Variants in QKI observed in about 807,000 individuals in gnomAD.
QKI encodes the protein QKI, KH domain containing RNA binding.
In QKI, 10 loss-of-function variants were observed where a neutral mutation model predicts 39.0. That is an observed-to-expected ratio of 0.26 (90% CI 0.16 to 0.43). QKI has a LOEUF of 0.43. Among genes scored for constraint, QKI ranks in the 20% least tolerant of loss-of-function variants. The probability of loss-of-function intolerance (pLI) is 1.00; values close to 1 mark genes in which losing one functional copy is unlikely to be tolerated. For missense variants in QKI, 218 were observed against 428.0 expected (o/e 0.51, Z 4.33); for synonymous variants, 204 against 155.4 (o/e 1.31, Z -2.33).
intron 1 of QKI, among the ~76,000 whole-genome samples, chr6:163,424,244 G>T (rs1025512015): frequency 2.0e-5 from 3 of 152,070 alleles, no homozygotes; most frequent in African/African-American, 7.2e-5. Context: ...CCCTGAAACC[G>T]CATCTAATTG....
In QKI at chr6:163,430,098, C is replaced by T. The variant is rs185307652; in HGVS notation, c.142+14763C>T. 4.6e-5 allele frequency among the ~76,000 whole-genome samples: 7 copies of T among 152,150 alleles called. No individual in the cohort carries two copies. The East Asian group carries it at 5.8e-4, about 13-fold the overall frequency. Reference sequence around the variant, plus strand: ...GGAGTGGCGTTCTAGACACAGGGAACGGTGTTCTTGAATGTGGGAACATTC... The same window carrying T: ...GGAGTGGCGTTCTAGACACAGGGAATGGTGTTCTTGAATGTGGGAACATTC... On this transcript the variant is annotated intron_variant, in intron 1 of 7. Coordinates refer to ENST00000361752, the MANE Select transcript of QKI (RefSeq NM_006775.3).
At chr6:163,566,683 G>C (rs766859987) in intron 6 of QKI, 38 bp from the exon 7 acceptor site, 2 of 1,609,940 alleles carry the variant, frequency 1.2e-6, no homozygotes, top group South Asian at 2.2e-5. Context: ...CCTTGTGAAT[G>C]TTTTCTAACT....
At chr6:163,456,242 C>T (rs964760679) in intron 2 of QKI, among the ~76,000 whole-genome samples, 11 of 152,096 alleles carry the variant, frequency 7.2e-5, no homozygotes, top group African/African-American at 2.7e-4. Context: ...CACTGTTTCA[C>T]GTTGTCTTTT....
chr6:163,570,749 T>A lies in QKI; in HGVS notation c.*39T>A. On this transcript the variant is annotated 3_prime_UTR_variant, in exon 8 of 8. Transcript: ENST00000361752. The stretch of plus-strand genomic sequence containing the variant: ...GACCTCTGAACTCTTCACCCAATGA[T>A]GACCTGACCATGCCTGCCTGCTGAT... 1 of 1,611,782 alleles carries A rather than the reference T, an allele frequency of 6.2e-7. No homozygotes were observed. The highest frequency in any genetic ancestry group is 8.5e-7 in the Non-Finnish European group (1 of 1,178,742).
intron 2 of QKI, chr6:163,457,650 T>G: frequency 3.0e-6 from 1 of 332,350 alleles, no homozygotes; most frequent in Non-Finnish European, 6.0e-6. Context: ...TTTTTTTTTT[T>G]TGGAGAGGGG....
chr6:163,439,426 C>A (rs1225538266), intron 1 of QKI, among the ~76,000 whole-genome samples: 1 of 148,322 alleles, frequency 6.7e-6, no homozygotes, highest in African/African-American at 2.5e-5. Context: ...CGGCTCAATG[C>A]ACCCTCCGCC....
intron 4 of QKI, among the ~76,000 whole-genome samples, chr6:163,545,637 G>A (rs1781816709): frequency 6.6e-6 from 1 of 152,078 alleles, no homozygotes; most frequent in South Asian, 2.1e-4. Flanking sequence ...AACTGAACAA[G>A]CTTTCCCAAA....
chr6:163,541,702 G>A (rs553752705), intron 4 of QKI, among the ~76,000 whole-genome samples: 1 of 151,876 alleles, frequency 6.6e-6, no homozygotes, highest in Admixed American at 6.6e-5. Flanking sequence ...GTATGAACAT[G>A]GTTTGGCATC....
chr6:163,565,632 T>G (rs1186139650), intron 6 of QKI: 1 of 1,034,498 alleles, frequency 9.7e-7, no homozygotes, highest in Non-Finnish European at 1.2e-6. Flanking sequence ...ATTCATAAGG[T>G]GAATAATAAT....
At position 163,487,291 on chromosome 6, in the gene QKI, C is replaced by G. The variant is rs368375315; in HGVS notation, c.402+8395C>G. Among the ~76,000 whole-genome samples the G allele has an allele frequency of 2.6e-4, 40 of 152,246 alleles. No individual in the cohort carries two copies. In the East Asian group the frequency reaches 3.5e-3, roughly 13 times the overall value. On this transcript the variant is annotated intron_variant, in intron 3 of 7. Coordinates refer to ENST00000361752, the MANE Select transcript of QKI (RefSeq NM_006775.3). ...AGGGTCAGCATTGCCTCTCTCCTTT[C>G]AAGAGGGAACTCTCTCATTCCCCAT...
chr6:163,515,839 A>G (rs1227256486), intron 3 of QKI, among the ~76,000 whole-genome samples: 3 of 152,216 alleles, frequency 2.0e-5, no homozygotes, highest in Admixed American at 1.3e-4. Context: ...TATTTAAGAT[A>G]CAAAATAAGT....
In QKI at chr6:163,453,391, G is replaced by A. The variant is rs150991189; in HGVS notation, c.143-1888G>A. The stretch of plus-strand genomic sequence containing the variant: ...ACTGCAGTAAGAATAGGTAGTTTCC[G>A]AAGAAGATATTTAAATAATAATTAT... On this transcript the variant is annotated intron_variant, in intron 1 of 7. Transcript: ENST00000361752. 8.4e-3 allele frequency among the ~76,000 whole-genome samples: 1,272 copies of A among 152,106 alleles called. 6 individuals carry two copies. Among genetic ancestry groups the A allele is most frequent in the Middle Eastern group, 0.031 (9 of 294 alleles).
At chr6:163,488,097 A>G (rs931315969) in intron 3 of QKI, among the ~76,000 whole-genome samples, 13 of 152,152 alleles carry the variant, frequency 8.5e-5, no homozygotes, top group Admixed American at 3.3e-4. Flanking sequence ...AAACAGTTTT[A>G]TATGTTTCCG....
chr6:163,564,776 G>A (rs1192289580), intron 6 of QKI: 17 of 1,611,304 alleles, frequency 1.1e-5, no homozygotes, highest in African/African-American at 5.3e-5. Context: ...GGAACAAACT[G>A]TTTCTGTGCA....
chr6:163,462,265 A>G (rs954196112), intron 2 of QKI, among the ~76,000 whole-genome samples: 1 of 152,108 alleles, frequency 6.6e-6, no homozygotes, highest in African/African-American at 2.4e-5. Context: ...CAGAAAACAT[A>G]TTTTATGTCT....
At chr6:163,553,603 C>CATATA (rs1435787581) in intron 4 of QKI, among the ~76,000 whole-genome samples, 5 of 151,942 alleles carry the variant, frequency 3.3e-5, no homozygotes, top group African/African-American at 1.2e-4. Context: ...AGTTGTGAAT[C>CATATA]ATATAAATCC....
chr6:163,510,940 T>C (rs1178760428), intron 3 of QKI, among the ~76,000 whole-genome samples: 2 of 152,226 alleles, frequency 1.3e-5, no homozygotes, highest in Admixed American at 1.3e-4. Context: ...TATTGATGTT[T>C]ATTAAACGTT....
At chr6:163,458,777 A>C (rs1348403304) in intron 2 of QKI, among the ~76,000 whole-genome samples, 1 of 152,152 alleles carries the variant, frequency 6.6e-6, no homozygotes, top group Non-Finnish European at 1.5e-5. Flanking sequence ...AATGTATTAA[A>C]ATTTTCACAG....
intron 2 of QKI, among the ~76,000 whole-genome samples, chr6:163,461,315 T>C (rs1165960973): frequency 6.6e-6 from 1 of 152,200 alleles, no homozygotes; most frequent in Non-Finnish European, 1.5e-5. Flanking sequence ...ACAATACATT[T>C]TGTTTAGCTG....
Sources: allele counts gnomAD v4.1 joint callset (sites outside exome capture counted in the v4.1 genomes callset), GRCh38; gene constraint gnomAD v4.1.1; transcripts MANE v1.5; gene names NCBI Gene and HGNC (gene_info 2026-07-23, HGNC 2026-07-21).